FRAT1: variants seen among roughly 807,000 people sequenced by gnomAD.
The protein encoded by FRAT1 is FRAT regulator of Wnt signaling pathway 1.
A neutral mutation model predicts 16.9 loss-of-function variants in FRAT1; 9 were observed. The observed-to-expected ratio is 0.53, with a 90% CI of 0.32 to 0.93. The LOEUF (loss-of-function observed/expected upper bound fraction) is 0.93. Ranked by LOEUF, FRAT1 falls within the 40% of genes least tolerant of loss-of-function variation. FRAT1 has a pLI of 0.04. For missense variants in FRAT1, 354 were observed against 402.8 expected (o/e 0.88, Z 1.04); for synonymous variants, 191 against 202.1 (o/e 0.95, Z 0.46).
chr10:97,319,860 G>A lies in FRAT1; in HGVS notation c.407G>A (p.Gly136Asp), dbSNP rs1209733994. Residue 136 changes from glycine to aspartate, a missense_variant, in exon 1 of 1, where the codon GGC (glycine) becomes GAC (aspartate). Physicochemically the swap from Gly to Asp is moderately conservative, Grantham distance 94. Coordinates refer to ENST00000371021, the MANE Select transcript of FRAT1 (RefSeq NM_005479.4). ...TACTGCGTGGCCGAGCTCGCCACAG[G>A]CCCCAGCGCGCTGTCCCCACTGCCC... Reference protein sequence around the residue: ...APYCVAELATGPSALSPLPPQ... With the variant: ...APYCVAELATDPSALSPLPPQ... 3.3e-6 allele frequency: 5 copies of A among 1,510,052 alleles called. No homozygotes were observed. The African/African-American group carries it at 5.7e-5, about 17-fold the overall frequency. 93.5% of individuals were successfully genotyped at this position (1,510,052 alleles called of 1,614,324 possible). A position where few individuals can be genotyped will look rare whatever the true frequency, so the allele number is the denominator to read the frequency against.
chr10:97,319,473 A>G lies in FRAT1; in HGVS notation c.20A>G (p.Glu7Gly). 1.4e-6 allele frequency: 2 copies of G among 1,452,572 alleles called. No individual in the cohort carries two copies. The highest frequency in any genetic ancestry group is 1.8e-6 in the Non-Finnish European group (2 of 1,102,776). 90.0% of individuals were successfully genotyped at this position (1,452,572 alleles called of 1,614,324 possible). A position where few individuals can be genotyped will look rare whatever the true frequency, so the allele number is the denominator to read the frequency against. Residue 7 changes from glutamate to glycine, a missense_variant, in exon 1 of 1, where the codon GAG (glutamate) becomes GGG (glycine). By Grantham distance (98) the Glu-to-Gly change is moderately conservative (BLOSUM62 -2). Coordinates refer to ENST00000371021, the MANE Select transcript of FRAT1 (RefSeq NM_005479.4). ...GGGGCCATGCCGTGCCGGAGGGAGG[A>G]GGAAGAGGAAGCCGGCGAGGAGGCG... The part of the protein sequence containing the change: MPCRRE[E>G]EEEAGEEAEG...
Position 97,321,408 on chromosome 10 carries a change from GAC to G in FRAT1, c.*1121_*1122del, listed in dbSNP as rs1285951620. On this transcript the variant is annotated 3_prime_UTR_variant, in exon 1 of 1. Coordinates refer to ENST00000371021, the MANE Select transcript of FRAT1 (RefSeq NM_005479.4). The stretch of plus-strand genomic sequence containing the variant: ...GACGCCATGTGATGGACACTCCAGG[GAC>G]ACACAGCCTAGCACAGCAGCTTATA... The G allele has an allele frequency of 1.2e-5, 2 of 167,420 alleles. No individual in the cohort carries two copies. Among genetic ancestry groups the G allele is most frequent in the Admixed American group, 6.5e-5 (1 of 15,294 alleles). The allele number at this position is 167,420 out of a possible 1,614,324, so 10.4% of individuals were successfully genotyped here. A position where few individuals can be genotyped will look rare whatever the true frequency, so the allele number is the denominator to read the frequency against.
rs1843465094 is a variant in FRAT1 at position 97,321,888 on chromosome 10, C to T, written c.*1595C>T. The T allele has an allele frequency of 6.0e-6, 1 of 166,388 alleles. No homozygotes were observed. Among genetic ancestry groups the T allele is most frequent in the Admixed American group, 6.5e-5 (1 of 15,292 alleles). 10.3% of individuals were successfully genotyped at this position (166,388 alleles called of 1,614,324 possible). A position where few individuals can be genotyped will look rare whatever the true frequency, so the allele number is the denominator to read the frequency against. On this transcript the variant is annotated 3_prime_UTR_variant, in exon 1 of 1. Coordinates refer to ENST00000371021, the MANE Select transcript of FRAT1 (RefSeq NM_005479.4). ...TGTACAGAACACATTTCTCTGATCTCCATAAACATGAAAACACTTGAAATC... is the reference window on the plus strand; with the variant it reads ...TGTACAGAACACATTTCTCTGATCTTCATAAACATGAAAACACTTGAAATC...
In FRAT1 at chr10:97,319,950, G is replaced by A. The variant is rs1471441683; in HGVS notation, c.497G>A (p.Gly166Asp). 6.5e-7 allele frequency: 1 copy of A among 1,538,256 alleles called. No individual in the cohort carries two copies. The highest frequency in any genetic ancestry group is 1.2e-5 in the South Asian group (1 of 83,962). The change falls in exon 1 of 1, where the codon GGT becomes GAT. Residue 166 changes from glycine (G) to aspartate (D), a missense_variant. Gly to Asp is a moderately conservative substitution (Grantham distance 94). This residue lies in a region of FRAT1 where 286 missense variants were observed against 311.0 expected (regional missense o/e 0.92). Transcript: ENST00000371021. ...GKQGIPQPLS[G>D]PCRRGWLRGA... ...CAGGGCATCCCGCAGCCGCTGTCGGGTCCGTGCCGGCGAGGATGGCTCCGG... is the reference window on the plus strand; with the variant it reads ...CAGGGCATCCCGCAGCCGCTGTCGGATCCGTGCCGGCGAGGATGGCTCCGG...
rs1843463170 is a variant in FRAT1 at position 97,321,673 on chromosome 10, TC to T, written c.*1381del. On this transcript the variant is annotated 3_prime_UTR_variant, in exon 1 of 1. Coordinates refer to ENST00000371021, the MANE Select transcript of FRAT1 (RefSeq NM_005479.4). Reference sequence around the variant, plus strand: ...AGGCGCTGAGACTGTGCTGTTGTTCTCGTTTTTATAGTCAATGGCTTGTTCA... The same window carrying T: ...AGGCGCTGAGACTGTGCTGTTGTTCTGTTTTTATAGTCAATGGCTTGTTCA... The T allele has an allele frequency of 1.8e-5, 3 of 167,186 alleles. No individual in the cohort carries two copies. In the Admixed American group the frequency reaches 2.0e-4, roughly 11 times the overall value. 10.4% of individuals were successfully genotyped at this position (167,186 alleles called of 1,614,324 possible).
chr10:97,320,677 G>A lies in FRAT1; in HGVS notation c.*384G>A, dbSNP rs1238369884. ...CCGGATCGCGGTGCGCCGGAACCAC[G>A]GAGGATGATGCCAGTTACTTGCTTT... On this transcript the variant is annotated 3_prime_UTR_variant, in exon 1 of 1. Transcript: ENST00000371021. 1.3e-5 allele frequency: 3 copies of A among 231,628 alleles called. No homozygotes were observed. The highest frequency in any genetic ancestry group is 2.7e-5 in the Non-Finnish European group (3 of 112,086). The allele number at this position is 231,628 out of a possible 1,614,324, so 14.3% of individuals were successfully genotyped here.
In FRAT1 at chr10:97,321,087, C is replaced by CA. The variant is rs1843457665; in HGVS notation, c.*795dup. On this transcript the variant is annotated 3_prime_UTR_variant, in exon 1 of 1. Transcript: ENST00000371021. ...TCAAGGTCACTGTTTCCTGGGCACG[C>CA]ACTGGGTTGCGGGACAGAGTAGCCA... The CA allele has an allele frequency of 6.0e-6, 1 of 167,298 alleles. No individual in the cohort carries two copies. The highest frequency in any genetic ancestry group is 1.5e-5 in the Non-Finnish European group (1 of 68,274). The allele number at this position is 167,298 out of a possible 1,614,324, so 10.4% of individuals were successfully genotyped here. A position where few individuals can be genotyped will look rare whatever the true frequency, so the allele number is the denominator to read the frequency against.
rs1589393602 is a variant in FRAT1, at chr10:97,320,062, G to A, written c.609G>A (p.Leu203=). The change falls in exon 1 of 1, where the codon CTG becomes CTA. Residue 203 remains leucine, a synonymous_variant. Coordinates refer to ENST00000371021, the MANE Select transcript of FRAT1 (RefSeq NM_005479.4). ...RTGDDDPHRL[L]QQLVLSGNLI... ...GCGACGACGACCCGCACCGGCTTCTGCAGCAGCTAGTGCTCTCTGGAAACC... is the reference window on the plus strand; with the variant it reads ...GCGACGACGACCCGCACCGGCTTCTACAGCAGCTAGTGCTCTCTGGAAACC... The A allele has an allele frequency of 2.5e-6, 4 of 1,589,450 alleles. No individual in the cohort carries two copies. Among genetic ancestry groups the A allele is most frequent in the Non-Finnish European group, 3.4e-6 (4 of 1,168,772 alleles).
Position 97,320,488 on chromosome 10 carries a change from AC to A in FRAT1, c.*196del. 2 of 514,880 alleles carry A rather than the reference AC, an allele frequency of 3.9e-6. No individual in the cohort carries two copies. 31.9% of individuals were successfully genotyped at this position (514,880 alleles called of 1,614,324 possible). On this transcript the variant is annotated 3_prime_UTR_variant, in exon 1 of 1. Transcript: ENST00000371021. ...AGGGCCAAAATATTTGGAATGAAGG[AC>A]TTTGGCCCTATTTAAGGCAGATTTT... is the stretch of plus-strand genomic sequence containing the variant.
In FRAT1 at chr10:97,319,390, G is replaced by A; in HGVS notation, c.-64G>A. The A allele has an allele frequency of 7.8e-7, 1 of 1,276,392 alleles. No individual in the cohort carries two copies. The allele number at this position is 1,276,392 out of a possible 1,614,324, so 79.1% of individuals were successfully genotyped here. On this transcript the variant is annotated 5_prime_UTR_variant, in exon 1 of 1. Coordinates refer to ENST00000371021, the MANE Select transcript of FRAT1 (RefSeq NM_005479.4). ...CGCGCCCGCTCCGCCGCGGCCCACC[G>A]CGCCCGCCGGCAGCCGAGCCCCCAG...
At position 97,320,647 on chromosome 10, in the gene FRAT1, C is replaced by T; in HGVS notation, c.*354C>T. 1 of 270,318 alleles carries T rather than the reference C, an allele frequency of 3.7e-6. No individual in the cohort carries two copies. The highest frequency in any genetic ancestry group is 7.4e-6 in the Non-Finnish European group (1 of 136,022). 16.7% of individuals were successfully genotyped at this position (270,318 alleles called of 1,614,324 possible). On this transcript the variant is annotated 3_prime_UTR_variant, in exon 1 of 1. Transcript: ENST00000371021. ...CGCGACCATGTGGCCACAATCCACG[C>T]TTCTCCGGATCGCGGTGCGCCGGAA...
rs897753571 is a variant in FRAT1, at chr10:97,319,894, C to G, written c.441C>G (p.Ala147=). The change falls in exon 1 of 1, where the codon GCC becomes GCG. Residue 147 remains alanine (A), a synonymous_variant. Transcript: ENST00000371021. ...CGCTGTCCCCACTGCCCCCTCAGGC[C>G]GACCTTGATGGGCCTCCGGGAGCTG... ...PSALSPLPPQ[A]DLDGPPGAGK... 1.8e-5 allele frequency: 27 copies of G among 1,529,462 alleles called. No individual in the cohort carries two copies. Among genetic ancestry groups the G allele is most frequent in the Middle Eastern group, 2.2e-4 (1 of 4,492 alleles). The allele number at this position is 1,529,462 out of a possible 1,614,324, so 94.7% of individuals were successfully genotyped here.
At position 97,319,316 on chromosome 10, in the gene FRAT1, C is replaced by G. The variant is rs895415796; in HGVS notation, c.-138C>G. ...GCGCGGCTAGAGTGCCTGGCGGGCT[C>G]CGGCTTCCGCGTCCGCCCCGGCCCC... On this transcript the variant is annotated 5_prime_UTR_variant, in exon 1 of 1. Transcript: ENST00000371021. 4 of 1,165,130 alleles carry G rather than the reference C, an allele frequency of 3.4e-6. No individual in the cohort carries two copies. The highest frequency in any genetic ancestry group is 1.6e-5 in the African/African-American group (1 of 62,456). 72.2% of individuals were successfully genotyped at this position (1,165,130 alleles called of 1,614,324 possible).
At position 97,321,771 on chromosome 10, in the gene FRAT1, T is replaced by C. The variant is rs185265588; in HGVS notation, c.*1478T>C. On this transcript the variant is annotated 3_prime_UTR_variant, in exon 1 of 1. Transcript: ENST00000371021. ...TCTGGAATTGTGGCTATCCTGATTA[T>C]AGGATTTTAACTTAACTGAAATGCC... 5 of 167,256 alleles carry C rather than the reference T, an allele frequency of 3.0e-5. No homozygotes were observed. Among genetic ancestry groups the C allele is most frequent in the Admixed American group, 6.5e-5 (1 of 15,310 alleles). 10.4% of individuals were successfully genotyped at this position (167,256 alleles called of 1,614,324 possible).
At position 97,319,808 on chromosome 10, in the gene FRAT1, G is replaced by A; in HGVS notation, c.355G>A (p.Gly119Ser). The change falls in exon 1 of 1, where the codon GGC (glycine) becomes AGC (serine). Residue 119 changes from glycine (G) to serine (S), a missense_variant. By Grantham distance (56) the Gly-to-Ser change is moderately conservative (BLOSUM62 0). Coordinates refer to ENST00000371021, the MANE Select transcript of FRAT1 (RefSeq NM_005479.4). ...CCTGCGCTGCGCCCTGGGGGACCGC[G>A]GCCGCGTGCGGGGCCGCGCTGCGCC... The part of the protein sequence containing the change: ...GVLRCALGDR[G>S]RVRGRAAPYC... The A allele has an allele frequency of 1.5e-6, 2 of 1,347,868 alleles. No homozygotes were observed. Among genetic ancestry groups the A allele is most frequent in the Non-Finnish European group, 1.9e-6 (2 of 1,060,858 alleles). 83.5% of individuals were successfully genotyped at this position (1,347,868 alleles called of 1,614,324 possible).
At position 97,320,578 on chromosome 10, in the gene FRAT1, G is replaced by A. The variant is rs1843452161; in HGVS notation, c.*285G>A. ...TTATTTGGCGTGACCCGACCTGGCC[G>A]CGGAGCCTGCATTTCCTCGCAGCCT... On this transcript the variant is annotated 3_prime_UTR_variant, in exon 1 of 1. Transcript: ENST00000371021. The A allele has an allele frequency of 2.5e-6, 1 of 394,194 alleles. No individual in the cohort carries two copies. The highest frequency in any genetic ancestry group is 4.7e-6 in the Non-Finnish European group (1 of 213,862). 24.4% of individuals were successfully genotyped at this position (394,194 alleles called of 1,614,324 possible). A position where few individuals can be genotyped will look rare whatever the true frequency, so the allele number is the denominator to read the frequency against.
chr10:97,320,127 T>C lies in FRAT1; in HGVS notation c.674T>C (p.Leu225Pro). ...EAVRRLHSRR[L>P]QLRAKLPQRP... ...GTGCGAAGGCTTCATTCGCGACGGCTGCAGTTACGTGCAAAGCTTCCCCAA... is the reference window on the plus strand; with the variant it reads ...GTGCGAAGGCTTCATTCGCGACGGCCGCAGTTACGTGCAAAGCTTCCCCAA... The change falls in exon 1 of 1, where the codon CTG (leucine) becomes CCG (proline). Residue 225 changes from leucine (L) to proline (P), a missense_variant. Transcript: ENST00000371021. 6.2e-7 allele frequency: 1 copy of C among 1,611,824 alleles called. No individual in the cohort carries two copies. Among genetic ancestry groups the C allele is most frequent in the Non-Finnish European group, 8.5e-7 (1 of 1,179,164 alleles).
In FRAT1 at chr10:97,320,047, C is replaced by T. The variant is rs747856495; in HGVS notation, c.594C>T (p.Asp198=). The T allele has an allele frequency of 1.9e-6, 3 of 1,581,954 alleles. No homozygotes were observed. Among genetic ancestry groups the T allele is most frequent in the Non-Finnish European group, 2.6e-6 (3 of 1,164,558 alleles). Residue 198 remains aspartate (D), a synonymous_variant, in exon 1 of 1, where the codon GAC becomes GAT. Coordinates refer to ENST00000371021, the MANE Select transcript of FRAT1 (RefSeq NM_005479.4). The stretch of plus-strand genomic sequence containing the variant: ...CAGAAACCCGCACAGGCGACGACGA[C>T]CCGCACCGGCTTCTGCAGCAGCTAG... ...SQPETRTGDD[D]PHRLLQQLVL... is the part of the protein sequence containing the mutation.
rs1428961892 is a variant in FRAT1, at chr10:97,320,080, T to C, written c.627T>C (p.Ser209=). ...PHRLLQQLVL[S]GNLIKEAVRR... ...GGCTTCTGCAGCAGCTAGTGCTCTC[T>C]GGAAACCTCATCAAGGAGGCCGTGC... Residue 209 remains serine (S), a synonymous_variant, in exon 1 of 1, where the codon TCT becomes TCC. Transcript: ENST00000371021. 2 of 1,598,238 alleles carry C rather than the reference T, an allele frequency of 1.3e-6. No homozygotes were observed. Among genetic ancestry groups the C allele is most frequent in the Non-Finnish European group, 1.7e-6 (2 of 1,173,104 alleles).
Sources: allele counts gnomAD v4.1 joint callset, GRCh38; gene constraint gnomAD v4.1.1; regional missense constraint gnomAD v4.1.1; transcripts MANE v1.5; gene names NCBI Gene and HGNC (gene_info 2026-07-23, HGNC 2026-07-21).